OTOG: variants seen among roughly 807,000 people sequenced by gnomAD.
OTOG encodes the protein otogelin.
A neutral mutation model predicts 313.8 loss-of-function variants in OTOG; 296 were observed. That is an observed-to-expected ratio of 0.94 (90% CI 0.86 to 1.04). The LOEUF is 1.04. OTOG is among the 50% of genes least tolerant of loss of function. OTOG has a pLI of 0.00. For synonymous variants in OTOG, 1,533 were observed against 1,554.9 expected, an observed-to-expected ratio of 0.99 and a Z score of 0.33; for missense variants, 3,948 against 3,840.1, an observed-to-expected ratio of 1.03 and a Z score of -0.74.
At chr11:17,587,248 T>C (rs956845736) in intron 24 of OTOG, among the ~76,000 whole-genome samples, 1 of 152,222 alleles carries the variant, frequency 6.6e-6, no homozygotes, top group Non-Finnish European at 1.5e-5. Flanking sequence ...TGCCCCTGGA[T>C]TGGATTCTGT....
chr11:17,636,275 G>C (rs1854264925), intron 47 of OTOG, among the ~76,000 whole-genome samples: 2 of 152,164 alleles, frequency 1.3e-5, no homozygotes, highest in South Asian at 4.1e-4. Context: ...ATAGTACCTT[G>C]ATATAGAATG....
chr11:17,635,508 C>A, intron 46 of OTOG, 102 bp from the exon 47 acceptor site: 1 of 861,170 alleles, frequency 1.2e-6, no homozygotes, highest in Non-Finnish European at 1.9e-6. Flanking sequence ...TTAGCTCCTG[C>A]CACACCTGGG....
intron 16 of OTOG, among the ~76,000 whole-genome samples, chr11:17,569,914 G>C (rs181251788): frequency 8.5e-5 from 13 of 152,336 alleles, no homozygotes; most frequent in African/African-American, 3.1e-4. Flanking sequence ...TCTGCTAGAG[G>C]AGGAAACGTG....
intron 48 of OTOG, 85 bp downstream of exon 48, chr11:17,638,634 G>C: frequency 1.3e-6 from 2 of 1,488,020 alleles, no homozygotes; most frequent in South Asian, 2.4e-5. Flanking sequence ...GCCTACCACC[G>C]TCCACTCCTC....
intron 39 of OTOG, among the ~76,000 whole-genome samples, chr11:17,628,113 T>C (rs1854029061): frequency 6.6e-6 from 1 of 152,148 alleles, no homozygotes; most frequent in Non-Finnish European, 1.5e-5. Context: ...TTGGATTCGA[T>C]TTGCTCTTGC....
At chr11:17,574,322 G>GTGTA (rs1852469255) in intron 19 of OTOG, among the ~76,000 whole-genome samples, 1 of 151,946 alleles carries the variant, frequency 6.6e-6, no homozygotes, top group Non-Finnish European at 1.5e-5. Flanking sequence ...AGGAGTGTGT[G>GTGTA]TGTGTGTGTG....
rs772061559 is a variant in OTOG, at chr11:17,610,478, C to G, written c.5178C>G (p.Gly1726=). The G allele has an allele frequency of 3.0e-5, 47 of 1,550,464 alleles. No homozygotes were observed. The African/African-American group carries it at 4.0e-4, about 13-fold the overall frequency. ...SLEIVLSTEK[G]EAGHSQPMGS... ...AGATAGTGCTATCCACAGAGAAGGGCGAAGCCGGGCACAGCCAGCCCATGG... is the reference window on the plus strand; with the variant it reads ...AGATAGTGCTATCCACAGAGAAGGGGGAAGCCGGGCACAGCCAGCCCATGG... The change falls in exon 36 of 56, where the codon GGC becomes GGG. Residue 1726 remains glycine (G), a synonymous_variant. Coordinates refer to ENST00000399397, the MANE Select transcript of OTOG (RefSeq NM_001292063.2).
intron 39 of OTOG, among the ~76,000 whole-genome samples, chr11:17,627,185 T>C (rs745620511): frequency 1.2e-4 from 19 of 152,214 alleles, no homozygotes; most frequent in Non-Finnish European, 2.4e-4. Context: ...TGGGCATCCT[T>C]GTCATGTTCC....
intron 4 of OTOG, among the ~76,000 whole-genome samples, 169 bp from the exon 5 acceptor site, chr11:17,552,950 G>C (rs368894619): frequency 1.3e-5 from 2 of 152,234 alleles, no homozygotes; most frequent in African/African-American, 2.4e-5. Context: ...TTGCCAGGGA[G>C]GGGGCAGGGC....
At chr11:17,574,965 C>G (rs1301411812) in intron 20 of OTOG, 53 bp downstream of exon 20, 4 of 1,423,800 alleles carry the variant, frequency 2.8e-6, no homozygotes, top group Non-Finnish European at 3.7e-6. Flanking sequence ...GGCCAGGGGT[C>G]TCCAGGGCAT....
At chr11:17,613,760 C>A in intron 39 of OTOG, 59 bp downstream of exon 39, 2 of 1,362,554 alleles carry the variant, frequency 1.5e-6, no homozygotes, top group Non-Finnish European at 1.0e-6. Flanking sequence ...AGGGACAGGG[C>A]ATCCAGGGGT....
intron 38 of OTOG, among the ~76,000 whole-genome samples, chr11:17,613,176 T>C (rs1328244205): frequency 4.0e-5 from 4 of 99,704 alleles, no homozygotes; most frequent in Admixed American, 9.0e-5. Flanking sequence ...TCCCTTTTCT[T>C]TCTTTCTTTC....
At chr11:17,588,075 A>G (rs1347000561) in intron 24 of OTOG, among the ~76,000 whole-genome samples, 2 of 152,184 alleles carry the variant, frequency 1.3e-5, no homozygotes, top group African/African-American at 2.4e-5. Context: ...AAGAGCTGGG[A>G]TTATTTAGGA....
Position 17,612,609 on chromosome 11 carries a change from C to T in OTOG, c.6293-11C>T. ...TCCACCTATTCTTCTTGTGCCCTGC[C>T]CCTCCCCCAGGCCGGTGCTCAATCT... is the stretch of plus-strand genomic sequence containing the variant. On this transcript the variant is annotated splice_polypyrimidine_tract_variant and intron_variant, in intron 37 of 55. Coordinates refer to ENST00000399397, the MANE Select transcript of OTOG (RefSeq NM_001292063.2). 1.3e-6 allele frequency: 2 copies of T among 1,548,550 alleles called. No homozygotes were observed. Among genetic ancestry groups the T allele is most frequent in the Non-Finnish European group, 1.7e-6 (2 of 1,145,842 alleles).
chr11:17,577,281 A>T (rs1852551309), intron 22 of OTOG, among the ~76,000 whole-genome samples: 1 of 152,214 alleles, frequency 6.6e-6, no homozygotes, highest in Admixed American at 6.5e-5. Flanking sequence ...TCTGCCCAGG[A>T]CAATGCTAGG....
intron 19 of OTOG, 72 bp downstream of exon 19, chr11:17,573,362 A>C: frequency 7.0e-7 from 1 of 1,424,924 alleles, no homozygotes; most frequent in Non-Finnish European, 9.3e-7. Flanking sequence ...CCTGCCCCTG[A>C]AAGTCTCCAC....
chr11:17,637,221 A>C (rs1418230386), intron 47 of OTOG, among the ~76,000 whole-genome samples: 1 of 152,054 alleles, frequency 6.6e-6, no homozygotes, highest in African/African-American at 2.4e-5. Flanking sequence ...CTCATCCTGG[A>C]CATACTCTTT....
chr11:17,561,595 G>C (rs1238978778), intron 14 of OTOG, 67 bp from the exon 15 acceptor site: 1 of 1,509,078 alleles, frequency 6.6e-7, no homozygotes, highest in African/African-American at 1.4e-5. Flanking sequence ...CCTCATACTT[G>C]GAGCTTGCAG....
Position 17,586,541 on chromosome 11 carries a change from T to C in OTOG, c.2827T>C (p.Tyr943His). Reference sequence around the variant, plus strand: ...CCCCTGCACTTGGAAGGGGAAGGAGTATTTCCCTGGGGACCAGGTGATGTC... The same window carrying C: ...CCCCTGCACTTGGAAGGGGAAGGAGCATTTCCCTGGGGACCAGGTGATGTC... ...ECPCTWKGKEYFPGDQVMSPC... is the reference protein window; with the variant it reads ...ECPCTWKGKEHFPGDQVMSPC... Residue 943 changes from tyrosine (Y) to histidine (H), a missense_variant, in exon 24 of 56, where the codon TAT (tyrosine) becomes CAT (histidine). Coordinates refer to ENST00000399397, the MANE Select transcript of OTOG (RefSeq NM_001292063.2). The C allele has an allele frequency of 2.4e-5, 34 of 1,442,584 alleles. No homozygotes were observed. The highest frequency in any genetic ancestry group is 3.1e-5 in the Non-Finnish European group (34 of 1,092,814). 89.4% of individuals were successfully genotyped at this position (1,442,584 alleles called of 1,614,324 possible).
Sources: allele counts gnomAD v4.1 joint callset (sites outside exome capture counted in the v4.1 genomes callset), GRCh38; gene constraint gnomAD v4.1.1; transcripts MANE v1.5; gene names NCBI Gene and HGNC (gene_info 2026-07-23, HGNC 2026-07-21).